The following KIF1B variants were observed in gnomAD, a reference collection of about 807,000 sequenced individuals.
KIF1B encodes the protein kinesin family member 1B.
Under a neutral mutation model 241.9 loss-of-function variants are expected in KIF1B, and 76 were observed. That is an observed-to-expected ratio of 0.31 (90% CI 0.26 to 0.38). The LOEUF (loss-of-function observed/expected upper bound fraction) is 0.38. KIF1B is among the 10% of genes least tolerant of loss of function. The pLI is 1.00. For missense variants in KIF1B, 1,622 were observed against 2,271.4 expected, an observed-to-expected ratio of 0.71 and a Z score of 5.81; for synonymous variants, 750 against 796.7, an observed-to-expected ratio of 0.94 and a Z score of 0.99.
intron 2 of KIF1B, among the ~76,000 whole-genome samples, chr1:10,249,249 C>T (rs992876615): frequency 6.6e-5 from 10 of 152,150 alleles, no homozygotes; most frequent in African/African-American, 2.4e-4. Context: ...AGAAGTCCAA[C>T]ACACTATTTT....
intron 15 of KIF1B, among the ~76,000 whole-genome samples, chr1:10,284,721 C>G (rs1340532244): frequency 6.6e-6 from 1 of 151,194 alleles, no homozygotes; most frequent in African/African-American, 2.4e-5. Context: ...AATTAGCCGG[C>G]CATGGTGACG....
At chr1:10,235,919 G>A (rs1332408443) in intron 2 of KIF1B, among the ~76,000 whole-genome samples, 1 of 149,612 alleles carries the variant, frequency 6.7e-6, no homozygotes, top group Non-Finnish European at 1.5e-5. Context: ...CAAATATAAG[G>A]ATTTATTGAT....
At chr1:10,300,663 T>C (rs1429041425) in intron 22 of KIF1B, among the ~76,000 whole-genome samples, 1 of 152,180 alleles carries the variant, frequency 6.6e-6, no homozygotes, top group Non-Finnish European at 1.5e-5. Flanking sequence ...TTGTTGGTTA[T>C]GTGGGAAAGA....
intron 12 of KIF1B, among the ~76,000 whole-genome samples, chr1:10,277,116 G>T (rs1649157725): frequency 6.6e-6 from 1 of 151,312 alleles, no homozygotes; most frequent in Non-Finnish European, 1.5e-5. Flanking sequence ...GTCATAATAA[G>T]TAATAAAATT....
At chr1:10,338,507 T>A (rs1652266467) in intron 31 of KIF1B, among the ~76,000 whole-genome samples, 2 of 152,364 alleles carry the variant, frequency 1.3e-5, no homozygotes, top group South Asian at 4.1e-4. Flanking sequence ...AGGATAGTGT[T>A]CACCAGATGA....
intron 12 of KIF1B, among the ~76,000 whole-genome samples, chr1:10,277,720 A>G (rs909674061): frequency 4.6e-5 from 7 of 152,192 alleles, no homozygotes; most frequent in African/African-American, 1.7e-4. Flanking sequence ...ACTTGATGTA[A>G]TGGAATAAAC....
chr1:10,326,050 T>C lies in KIF1B; in HGVS notation c.2676-61T>C. The C allele has an allele frequency of 9.3e-6, 15 of 1,607,858 alleles. No homozygotes were observed. Among genetic ancestry groups the C allele is most frequent in the Non-Finnish European group, 2.5e-6 (3 of 1,177,362 alleles). ...TGTCCTGTTAGCACCTATTGCTTCCTGTTTAACCAACTATTCCTCTCTCCC... is the reference window on the plus strand; with the variant it reads ...TGTCCTGTTAGCACCTATTGCTTCCCGTTTAACCAACTATTCCTCTCTCCC... On this transcript the variant is annotated intron_variant, in intron 26 of 48. Coordinates refer to ENST00000676179, the MANE Select transcript of KIF1B (RefSeq NM_001365951.3). This position sits in a 1 kb window ranked among gnomAD's most constrained non-coding sequence, Gnocchi z 5.2.
rs778231602 is a variant in KIF1B, at chr1:10,363,273, C to A, written c.4305-10C>A. ...AGAGATTAAACAATTGTTTTATTTT[C>A]TTCAAATAGGAATCGAGTCACTGGC... On this transcript the variant is annotated splice_polypyrimidine_tract_variant and intron_variant, in intron 40 of 48. Coordinates refer to ENST00000676179, the MANE Select transcript of KIF1B (RefSeq NM_001365951.3). 1.9e-6 allele frequency: 3 copies of A among 1,608,528 alleles called. No individual in the cohort carries two copies. In the Admixed American group the frequency reaches 5.0e-5, roughly 27 times the overall value.
rs763460099 is a variant in KIF1B, at chr1:10,343,248, C to T, written c.3649C>T (p.Arg1217Cys). 19 of 1,614,038 alleles carry T rather than the reference C, an allele frequency of 1.2e-5. No homozygotes were observed. Among genetic ancestry groups the T allele is most frequent in the South Asian group, 4.4e-5 (4 of 91,082 alleles). Residue 1217 changes from arginine to cysteine, a missense_variant, in exon 34 of 49, where the codon CGC becomes TGC. Arg to Cys is a radical substitution (Grantham distance 180). Coordinates refer to ENST00000676179, the MANE Select transcript of KIF1B (RefSeq NM_001365951.3). Reference sequence around the variant, plus strand: ...TCTTTGCAGTCCGCCTCAGCCGTGCCGCCGATTCTTCCCTCCACCCATGCC... The same window carrying T: ...TCTTTGCAGTCCGCCTCAGCCGTGCTGCCGATTCTTCCCTCCACCCATGCC... ...QELNSPPQPC[R>C]RFFPPPMPLS...
At chr1:10,344,466 G>C (rs1652517109) in intron 34 of KIF1B, among the ~76,000 whole-genome samples, 1 of 152,230 alleles carries the variant, frequency 6.6e-6, no homozygotes, top group African/African-American at 2.4e-5. Flanking sequence ...TTGGGAAGCA[G>C]CTTCTCTACA....
chr1:10,246,809 CT>C (rs548126433), intron 2 of KIF1B, among the ~76,000 whole-genome samples: 296 of 152,264 alleles, frequency 1.9e-3, no homozygotes, highest in Non-Finnish European at 3.7e-3. Flanking sequence ...CATGTCACCC[CT>C]CTGCTTAAAA....
intron 2 of KIF1B, among the ~76,000 whole-genome samples, chr1:10,244,583 A>T (rs1384963532): frequency 6.8e-6 from 1 of 146,322 alleles, no homozygotes; most frequent in Non-Finnish European, 1.5e-5. Context: ...AAGTGCTGGG[A>T]TTACAGGCCT....
In KIF1B at chr1:10,337,581, G is replaced by A. The variant is rs143358235; in HGVS notation, c.3422+48G>A. On this transcript the variant is annotated intron_variant, in intron 31 of 48. Coordinates refer to ENST00000676179, the MANE Select transcript of KIF1B (RefSeq NM_001365951.3). The surrounding 1 kb of genome is among the most constrained non-coding windows in gnomAD (Gnocchi z 4.0). Reference sequence around the variant, plus strand: ...CTCCCAGCTAGCTGCTAACCGAGGTGACATCTCTTGTGCACTGTAGAGTGC... The same window carrying A: ...CTCCCAGCTAGCTGCTAACCGAGGTAACATCTCTTGTGCACTGTAGAGTGC... 9.2e-5 allele frequency: 148 copies of A among 1,603,954 alleles called. 1 individual carries two copies. In the African/African-American group the frequency reaches 1.8e-3, roughly 19 times the overall value.
In KIF1B at chr1:10,258,804, C is replaced by A. The variant is rs1167229893; in HGVS notation, c.363+132C>A. 4.5e-6 allele frequency: 4 copies of A among 893,610 alleles called. No individual in the cohort carries two copies. The East Asian group carries it at 1.1e-4, about 24-fold the overall frequency. 55.4% of individuals were successfully genotyped at this position (893,610 alleles called of 1,614,324 possible). ...ATGTCAGGCACAAAGATGAACAACC[C>A]ATTATTTTCCCTCAGAGGAGCTCAC... On this transcript the variant is annotated intron_variant, in intron 4 of 48. Transcript: ENST00000676179.
intron 48 of KIF1B, among the ~76,000 whole-genome samples, 195 bp from the exon 49 acceptor site, chr1:10,376,350 A>G (rs976975777): frequency 1.3e-5 from 2 of 152,124 alleles, no homozygotes; most frequent in African/African-American, 4.8e-5. Context: ...TGGTCTCCCA[A>G]CCTCCAGCCC....
intron 24 of KIF1B, 133 bp downstream of exon 24, chr1:10,321,990 A>T: frequency 1.1e-6 from 1 of 874,528 alleles, no homozygotes; most frequent in African/African-American, 1.7e-5. Flanking sequence ...AGCTTTATAT[A>T]TGTCTTTATT....
intron 10 of KIF1B, among the ~76,000 whole-genome samples, chr1:10,273,303 C>G (rs1648900573): frequency 6.6e-6 from 1 of 152,140 alleles, no homozygotes. Flanking sequence ...CCTGTAATCC[C>G]AGCACTTTGG....
chr1:10,304,767 G>A (rs1650742990), intron 22 of KIF1B: 14 of 1,535,588 alleles, frequency 9.1e-6, no homozygotes, highest in Middle Eastern at 2.3e-4. Flanking sequence ...ATATTAACTG[G>A]TTTTATATTG....
At chr1:10,244,631 GAGACGGAGTC>G (rs1647182656) in intron 2 of KIF1B, among the ~76,000 whole-genome samples, 1 of 100,276 alleles carries the variant, frequency 1.0e-5, no homozygotes. Flanking sequence ...TTTTTTTTTT[GAGACGGAGTC>G]TTGCTCTGTC....
Sources: gnomAD v4.1 joint callset for allele counts (sites outside exome capture counted in the v4.1 genomes callset) on GRCh38, gnomAD v4.1.1 for gene constraint, Gnocchi (gnomAD v3.1) non-coding constraint, MANE v1.5 for transcripts, NCBI Gene and HGNC (gene_info 2026-07-23, HGNC 2026-07-21) for gene names.